Variants in NFIB observed in about 807,000 individuals in gnomAD.
The protein encoded by NFIB is nuclear factor I B.
NFIB carries 11 observed loss-of-function variants against 61.5 expected under a neutral mutation model. The observed-to-expected ratio is 0.18, with a 90% CI of 0.11 to 0.30. The LOEUF is 0.30. Among genes scored for constraint, NFIB ranks in the 10% least tolerant of loss-of-function variants. The probability of loss-of-function intolerance (pLI) is 1.00; values close to 1 mark genes in which losing one functional copy is unlikely to be tolerated. For missense variants in NFIB, 471 were observed against 608.9 expected, an observed-to-expected ratio of 0.77 and a Z score of 2.38; for synonymous variants, 260 against 216.5, an observed-to-expected ratio of 1.20 and a Z score of -1.76.
the NFIB span, among the ~76,000 whole-genome samples, chr9:14,409,786 T>C: frequency 6.6e-6 from 1 of 152,180 alleles, no homozygotes; most frequent in African/African-American, 2.4e-5. Flanking sequence ...TAAAATAGAA[T>C]TGGACTTGAA....
chr9:14,269,660 G>C (rs2057458120), intron 2 of NFIB, among the ~76,000 whole-genome samples: 5 of 152,150 alleles, frequency 3.3e-5, no homozygotes, highest in Admixed American at 3.3e-4. Context: ...CCAACCCTCA[G>C]TACAATTCAC....
chr9:14,132,451 ATTGT>A, intron 6 of NFIB, among the ~76,000 whole-genome samples: 1 of 152,294 alleles, frequency 6.6e-6, no homozygotes. Context: ...AGCTATAATC[ATTGT>A]TAAAATATCT....
At chr9:14,316,817 C>T (rs1278837952), upstream of NFIB, among the ~76,000 whole-genome samples, 1 of 152,152 alleles carries the variant, frequency 6.6e-6, no homozygotes, top group Non-Finnish European at 1.5e-5. Flanking sequence ...CCAGCTTTAA[C>T]TACTGCAGTT....
chr9:14,239,235 G>A (rs1224398183), intron 2 of NFIB, among the ~76,000 whole-genome samples: 1 of 152,144 alleles, frequency 6.6e-6, no homozygotes, highest in Non-Finnish European at 1.5e-5. Flanking sequence ...TTTGAAAACT[G>A]TTTTCACACA....
intron 1 of NFIB, among the ~76,000 whole-genome samples, chr9:14,395,903 G>A (rs756230484): frequency 3.3e-5 from 5 of 151,582 alleles, no homozygotes; most frequent in African/African-American, 1.2e-4. Context: ...GGTGTGGGTG[G>A]GGGTGGGGAT....
Position 14,257,124 on chromosome 9 carries a change from CCTA to C in NFIB, c.562+49862_562+49864del, listed in dbSNP as rs1179473534. 2.0e-5 allele frequency among the ~76,000 whole-genome samples: 3 copies of C among 152,316 alleles called. No individual in the cohort carries two copies. The East Asian group carries it at 5.8e-4, about 29-fold the overall frequency. On this transcript the variant is annotated intron_variant, in intron 2 of 10. Transcript: ENST00000380953. The stretch of plus-strand genomic sequence containing the variant: ...CCTGGTTCTAAATCTGACTTTGACA[CCTA>C]CTAACTGTTTAACCTTGGTTAAGTT...
intron 6 of NFIB, among the ~76,000 whole-genome samples, chr9:14,138,570 G>T (rs1427327935): frequency 3.3e-5 from 5 of 151,758 alleles, no homozygotes; most frequent in African/African-American, 1.2e-4. Flanking sequence ...AAAGTTCATT[G>T]TTCGAAATAT....
chr9:14,144,033 T>TGTGTGTGTGTGTGTGTGTGTGTG (rs55863803), intron 6 of NFIB, among the ~76,000 whole-genome samples: 8 of 149,966 alleles, frequency 5.3e-5, no homozygotes, highest in Non-Finnish European at 1.2e-4. Context: ...TGTGTGTGTG[T>TGTGTGTGTGTGTGTGTGTGTGTG]TTAAAATGCA....
At chr9:14,144,892 T>C (rs12552654) in intron 6 of NFIB, among the ~76,000 whole-genome samples, 29,723 of 152,094 alleles carry the variant, frequency 0.2, 3,219 homozygotes, top group South Asian at 0.35. Flanking sequence ...AGTAAAGCAG[T>C]GGGCTCAAGT....
At chr9:14,319,705 G>C (rs1463757174) in intron 1 of NFIB, among the ~76,000 whole-genome samples, 1 of 152,196 alleles carries the variant, frequency 6.6e-6, no homozygotes, top group Non-Finnish European at 1.5e-5. Flanking sequence ...TGGCTAAGTA[G>C]TCTTTACATT....
intron 2 of NFIB, among the ~76,000 whole-genome samples, chr9:14,241,224 A>T (rs752047635): frequency 6.6e-6 from 1 of 152,226 alleles, no homozygotes; most frequent in Admixed American, 6.5e-5. Context: ...TTATGTATGC[A>T]TAACGGACCA....
At chr9:14,305,645 C>T (rs910981177) in intron 2 of NFIB, 3 of 168,746 alleles carry the variant, frequency 1.8e-5, no homozygotes, top group African/African-American at 7.1e-5. Flanking sequence ...TAAAATCAGA[C>T]TAAAAATTCT....
chr9:14,355,074 G>C (rs1178229944), intron 1 of NFIB, among the ~76,000 whole-genome samples: 4 of 152,160 alleles, frequency 2.6e-5, no homozygotes, highest in African/African-American at 9.7e-5. Flanking sequence ...GTTGGAGTAA[G>C]CACAGTGACT....
the NFIB span, among the ~76,000 whole-genome samples, chr9:14,520,450 C>A: frequency 1.3e-5 from 2 of 152,244 alleles, no homozygotes; most frequent in South Asian, 2.1e-4. Context: ...CAAGGGCTGA[C>A]TGACTTGTAC....
chr9:14,252,774 T>G (rs1199380157), intron 2 of NFIB, among the ~76,000 whole-genome samples: 2 of 150,206 alleles, frequency 1.3e-5, no homozygotes, highest in African/African-American at 2.5e-5. Flanking sequence ...TACATGTTCC[T>G]GCCATACAAC....
the NFIB span, among the ~76,000 whole-genome samples, chr9:14,473,380 T>G: frequency 0.51 from 76,901 of 152,096 alleles, 19,699 homozygotes; most frequent in Middle Eastern, 0.62. Flanking sequence ...TTGAATTATT[T>G]TCAGAGAAGA....
At chr9:14,112,338 A>T (rs1284504567) in intron 10 of NFIB, among the ~76,000 whole-genome samples, 5 of 152,190 alleles carry the variant, frequency 3.3e-5, no homozygotes, top group Non-Finnish European at 7.3e-5. Context: ...GCCACCATTA[A>T]TCCTGGCTGT....
the NFIB span, among the ~76,000 whole-genome samples, chr9:14,440,454 T>C: frequency 7.3e-4 from 111 of 152,324 alleles, 1 homozygote; most frequent in African/African-American, 2.6e-3. Context: ...CTGAAGTACA[T>C]TTCACAAATA....
chr9:14,521,380 T>A, the NFIB span, among the ~76,000 whole-genome samples: 1 of 152,164 alleles, frequency 6.6e-6, no homozygotes, highest in Non-Finnish European at 1.5e-5. Context: ...CTTTGGTTAA[T>A]CATGGTGTTA....
Sources: gnomAD v4.1 joint callset for allele counts (sites outside exome capture counted in the v4.1 genomes callset) on GRCh38, gnomAD v4.1.1 for gene constraint, MANE v1.5 for transcripts, NCBI Gene and HGNC (gene_info 2026-07-23, HGNC 2026-07-21) for gene names.